RGS7: variants seen among roughly 807,000 people sequenced by gnomAD.
RGS7 encodes regulator of G-protein signaling 7.
RGS7 carries 27 observed loss-of-function variants against 81.1 expected under a neutral mutation model. The observed-to-expected ratio is 0.33, with a 90% confidence interval of 0.25 to 0.46. RGS7 has a LOEUF of 0.46. RGS7 is among the 20% of genes least tolerant of loss of function. The pLI, the probability that RGS7 is intolerant of heterozygous loss-of-function variation, is 1.00. For synonymous variants in RGS7, 208 were observed against 207.7 expected, an observed-to-expected ratio of 1.00 and a Z score of -0.01; for missense variants, 396 against 607.4, an observed-to-expected ratio of 0.65 and a Z score of 3.66.
At chr1:240,899,209 G>A (rs1259017188) in intron 6 of RGS7, among the ~76,000 whole-genome samples, 4 of 152,116 alleles carry the variant, frequency 2.6e-5, no homozygotes, top group Non-Finnish European at 5.9e-5. Flanking sequence ...CCTGAATACA[G>A]CACACTGATG....
chr1:241,016,832 T>A lies in RGS7; in HGVS notation c.176-33703A>T, dbSNP rs534187225. ...TTATACTATTCACATTTAAATTGAT[T>A]ATTGCTATATTCAGATAAAAATCTA... On this transcript the variant is annotated intron_variant, in intron 3 of 18. Transcript: ENST00000440928. 8.5e-5 allele frequency among the ~76,000 whole-genome samples: 13 copies of A among 152,294 alleles called. No homozygotes were observed. The South Asian group carries it at 1.0e-3, about 12-fold the overall frequency.
intron 2 of RGS7, among the ~76,000 whole-genome samples, chr1:241,162,786 G>A (rs2069835879): frequency 6.6e-6 from 1 of 152,094 alleles, no homozygotes. Context: ...TTTTACAGAA[G>A]GGAAAACTGA....
intron 3 of RGS7, among the ~76,000 whole-genome samples, chr1:241,032,165 T>TA (rs2060114048): frequency 6.6e-6 from 1 of 152,234 alleles, no homozygotes; most frequent in South Asian, 2.1e-4. Flanking sequence ...TGGTGAAAGA[T>TA]AGAGATCCAG....
At chr1:240,818,967 T>C (rs1035734809) in intron 10 of RGS7, among the ~76,000 whole-genome samples, 2 of 152,154 alleles carry the variant, frequency 1.3e-5, no homozygotes, top group African/African-American at 4.8e-5. Context: ...ATATTTGAGG[T>C]GACGAATATG....
intron 2 of RGS7, among the ~76,000 whole-genome samples, chr1:241,130,939 A>AC (rs1326268832): frequency 1.3e-5 from 2 of 151,948 alleles, no homozygotes; most frequent in Admixed American, 6.6e-5. Context: ...AAAAAAAAAA[A>AC]AAAAAACCAA....
At chr1:241,284,780 T>G (rs2078704394) in intron 2 of RGS7, among the ~76,000 whole-genome samples, 1 of 152,182 alleles carries the variant, frequency 6.6e-6, no homozygotes, top group South Asian at 2.1e-4. Flanking sequence ...CTGATATGGG[T>G]GGGAGTGATG....
intron 2 of RGS7, among the ~76,000 whole-genome samples, chr1:241,329,440 A>T (rs111875105): frequency 6.6e-6 from 1 of 152,162 alleles, no homozygotes; most frequent in Admixed American, 6.5e-5. Context: ...GCCCAGTTAT[A>T]CTGCCTGGGA....
At position 241,129,280 on chromosome 1, in the gene RGS7, G is replaced by A. The variant is rs563244093; in HGVS notation, c.79-30518C>T. On this transcript the variant is annotated intron_variant, in intron 2 of 18. Transcript: ENST00000440928. ...ACAAACAAACAAACAAAAAAAAAAC[G>A]GAACTCAAAACACTTCAAGCAGTAA... Among the ~76,000 whole-genome samples the A allele has an allele frequency of 6.7e-5, 10 of 149,734 alleles. No individual in the cohort carries two copies. The East Asian group carries it at 7.9e-4, about 12-fold the overall frequency.
intron 2 of RGS7, among the ~76,000 whole-genome samples, chr1:241,326,554 T>A (rs2081505923): frequency 6.6e-6 from 1 of 152,166 alleles, no homozygotes; most frequent in African/African-American, 2.4e-5. Flanking sequence ...TTATTTGCCC[T>A]ATGTTTTATC....
intron 13 of RGS7, 60 bp downstream of exon 13, chr1:240,813,558 A>T (rs1407307769): frequency 5.8e-6 from 6 of 1,028,922 alleles, no homozygotes; most frequent in African/African-American, 1.6e-5. Flanking sequence ...AATCCTTCCC[A>T]TTTCACTCAG....
At position 240,973,179 on chromosome 1, in the gene RGS7, A is replaced by C. The variant is rs1683518913; in HGVS notation, c.226+9900T>G. 3.3e-5 allele frequency among the ~76,000 whole-genome samples: 5 copies of C among 152,276 alleles called. No homozygotes were observed. The South Asian group carries it at 8.3e-4, about 25-fold the overall frequency. On this transcript the variant is annotated intron_variant, in intron 4 of 18. Transcript: ENST00000440928. ...AATTTTCTGGTTGTAAATTGATGAG[A>C]TATCTGCCTGGCTACTTCATGATAT...
intron 2 of RGS7, among the ~76,000 whole-genome samples, chr1:241,274,022 T>C (rs184955926): frequency 1.5e-4 from 23 of 152,324 alleles, no homozygotes; most frequent in Admixed American, 4.6e-4. Context: ...TAAAAGCAAC[T>C]GTGGATCTCT....
At chr1:241,297,172 A>G (rs905237160) in intron 2 of RGS7, among the ~76,000 whole-genome samples, 1 of 152,116 alleles carries the variant, frequency 6.6e-6, no homozygotes, top group Non-Finnish European at 1.5e-5. Flanking sequence ...GAACTGCTGT[A>G]TCCCCAGAAC....
At chr1:241,236,849 T>C (rs2076008956) in intron 2 of RGS7, among the ~76,000 whole-genome samples, 2 of 152,134 alleles carry the variant, frequency 1.3e-5, no homozygotes, top group Admixed American at 6.5e-5. Context: ...AAAATATCCA[T>C]CTGATCTTCA....
At chr1:241,055,810 C>T (rs936069024) in intron 3 of RGS7, among the ~76,000 whole-genome samples, 4 of 152,124 alleles carry the variant, frequency 2.6e-5, no homozygotes, top group Non-Finnish European at 5.9e-5. Flanking sequence ...GAAACCAGCC[C>T]CCATCCTGAG....
At chr1:241,269,422 G>A (rs1457091565) in intron 2 of RGS7, among the ~76,000 whole-genome samples, 3 of 152,302 alleles carry the variant, frequency 2.0e-5, no homozygotes, top group South Asian at 2.1e-4. Context: ...GAGGGCCCTC[G>A]AGCAAGGCCT....
Position 240,817,894 on chromosome 1 carries a change from C to T in RGS7, c.685-1479G>A, listed in dbSNP as rs190809106. 2.3e-4 allele frequency among the ~76,000 whole-genome samples: 35 copies of T among 152,294 alleles called. No individual in the cohort carries two copies. The East Asian group carries it at 3.5e-3, about 15-fold the overall frequency. ...CTGGGATTACAGGCGTGAGCCACCGCGCCTGGCCTCCGTCCTTTTTTTGGT... is the reference window on the plus strand; with the variant it reads ...CTGGGATTACAGGCGTGAGCCACCGTGCCTGGCCTCCGTCCTTTTTTTGGT... On this transcript the variant is annotated intron_variant, in intron 10 of 18. Transcript: ENST00000440928.
chr1:240,808,065 C>T (rs16840706), intron 14 of RGS7, among the ~76,000 whole-genome samples: 79,407 of 149,446 alleles, frequency 0.53, 23,401 homozygotes, highest in Non-Finnish European at 0.66. Flanking sequence ...GGGAATACTA[C>T]GCATAATCCG....
chr1:241,155,352 C>T (rs1244126453), intron 2 of RGS7, among the ~76,000 whole-genome samples: 2 of 152,034 alleles, frequency 1.3e-5, no homozygotes, highest in East Asian at 3.9e-4. Flanking sequence ...CCCTCCTCTG[C>T]CTCCCAAAGT....
Sources: allele counts gnomAD v4.1 joint callset (sites outside exome capture counted in the v4.1 genomes callset), GRCh38; gene constraint gnomAD v4.1.1; transcripts MANE v1.5; gene names NCBI Gene and HGNC (gene_info 2026-07-23, HGNC 2026-07-21).